Variants in CFAP61 observed in about 807,000 individuals in gnomAD.
CFAP61 encodes the protein cilia and flagella associated protein 61.
CFAP61 carries 107 observed loss-of-function variants against 135.6 expected under a neutral mutation model. The ratio of observed to expected loss-of-function variants is 0.79; its 90% CI spans 0.67 to 0.93. The LOEUF is 0.93. CFAP61 is among the 40% of genes least tolerant of loss of function. The pLI is 0.00. For synonymous variants in CFAP61, 575 were observed against 578.5 expected (o/e 0.99, Z 0.09); for missense variants, 1,507 against 1,556.2 (o/e 0.97, Z 0.53).
At chr20:20,355,775 G>T (rs1356562011) in intron 26 of CFAP61, among the ~76,000 whole-genome samples, 1 of 134,718 alleles carries the variant, frequency 7.4e-6, no homozygotes, top group African/African-American at 3.0e-5. Flanking sequence ...GTCACACTGT[G>T]AGGGGAGGTG....
At chr20:20,228,507 G>A (rs1363289698) in intron 18 of CFAP61, 131 bp downstream of exon 18, 1 of 690,368 alleles carries the variant, frequency 1.4e-6, no homozygotes, top group Non-Finnish European at 2.4e-6. Context: ...CTATGTGGAT[G>A]GATGAATCAG....
intron 26 of CFAP61, 44 bp from the exon 27 acceptor site, chr20:20,360,166 G>C (rs761773475): frequency 2.3e-5 from 32 of 1,419,302 alleles, no homozygotes; most frequent in Non-Finnish European, 8.0e-6. Flanking sequence ...AACTGTGCAG[G>C]GTCCAATTAA....
rs771466480 is a variant in CFAP61, at chr20:20,196,620, C to T, written c.1641C>T (p.Phe547=). 1.9e-6 allele frequency: 3 copies of T among 1,614,184 alleles called. No homozygotes were observed. Among genetic ancestry groups the T allele is most frequent in the Non-Finnish European group, 2.5e-6 (3 of 1,180,034 alleles). Residue 547 remains phenylalanine, a synonymous_variant, in exon 16 of 27, where the codon TTC becomes TTT. Coordinates refer to ENST00000245957, the MANE Select transcript of CFAP61 (RefSeq NM_015585.4). Reference sequence around the variant, plus strand: ...ACAACATTGAAGATTTCATCTACTTCAGTCACCACCAGCGCGAAGAACACG... The same window carrying T: ...ACAACATTGAAGATTTCATCTACTTTAGTCACCACCAGCGCGAAGAACACG... ...SHYNIEDFIY[F]SHHQREEHGH...
chr20:20,252,890 A>G (rs2051069258), intron 20 of CFAP61, among the ~76,000 whole-genome samples: 1 of 152,202 alleles, frequency 6.6e-6, no homozygotes, highest in South Asian at 2.1e-4. Flanking sequence ...AAACACATCC[A>G]TGCCTAGGCT....
intron 1 of CFAP61, 27 bp downstream of exon 1, chr20:20,052,618 C>A: frequency 6.2e-7 from 1 of 1,613,684 alleles, no homozygotes; most frequent in South Asian, 1.1e-5. Flanking sequence ...TGACTAGCAG[C>A]GACGCAAGGA....
intron 25 of CFAP61, among the ~76,000 whole-genome samples, chr20:20,318,951 T>C (rs867990738): frequency 6.0e-4 from 92 of 152,220 alleles, no homozygotes; most frequent in African/African-American, 1.9e-3. Context: ...CCACAGTTCA[T>C]AACATCTGGC....
intron 21 of CFAP61, among the ~76,000 whole-genome samples, chr20:20,270,233 C>T (rs1343164889): frequency 6.6e-6 from 1 of 152,052 alleles, no homozygotes; most frequent in Non-Finnish European, 1.5e-5. Context: ...CTCTTGAGAT[C>T]TAACTTCATG....
chr20:20,325,910 A>G (rs1427086026), intron 25 of CFAP61, among the ~76,000 whole-genome samples: 2 of 152,140 alleles, frequency 1.3e-5, no homozygotes, highest in South Asian at 2.1e-4. Context: ...AGCCATACCC[A>G]TTGTTGTTTT....
At chr20:20,302,971 C>A (rs945472323) in intron 25 of CFAP61, among the ~76,000 whole-genome samples, 1 of 152,148 alleles carries the variant, frequency 6.6e-6, no homozygotes, top group Non-Finnish European at 1.5e-5. Flanking sequence ...AATTTAAAAT[C>A]ATGAGCTTTC....
rs868727942 is a variant in CFAP61, at chr20:20,337,340, A to G, written c.3423-4491A>G. 4.0e-3 allele frequency among the ~76,000 whole-genome samples: 52 copies of G among 13,078 alleles called. 1 individual carries two copies. Among genetic ancestry groups the G allele is most frequent in the African/African-American group, 0.013 (51 of 3,912 alleles). The allele number at this position is 13,078 out of a possible 152,430, so 8.6% of individuals were successfully genotyped here. A position where few individuals can be genotyped will look rare whatever the true frequency, so the allele number is the denominator to read the frequency against. ...TGGATGGATGGATGGATGGATGGAT[A>G]GATGGGTGGGTGGGTGGATGGATGG... is the stretch of plus-strand genomic sequence containing the variant. On this transcript the variant is annotated intron_variant, in intron 25 of 26. Transcript: ENST00000245957.
At chr20:20,224,365 C>G (rs1043419225) in intron 17 of CFAP61, among the ~76,000 whole-genome samples, 8 of 152,152 alleles carry the variant, frequency 5.3e-5, no homozygotes. Flanking sequence ...CCCCGCAACC[C>G]CCAAGCTCAA....
intron 9 of CFAP61, among the ~76,000 whole-genome samples, chr20:20,156,625 G>GA (rs940385626): frequency 1.9e-4 from 28 of 150,610 alleles, no homozygotes; most frequent in Non-Finnish European, 3.0e-4. Context: ...GACTACCTAT[G>GA]AAAAAAAAAT....
intron 17 of CFAP61, among the ~76,000 whole-genome samples, chr20:20,208,102 GA>G (rs1208443454): frequency 6.6e-6 from 1 of 152,182 alleles, no homozygotes; most frequent in Non-Finnish European, 1.5e-5. Context: ...AGATGTTTCA[GA>G]GTCATCGTCT....
At chr20:20,076,364 C>T (rs748862842) in intron 6 of CFAP61, among the ~76,000 whole-genome samples, 2 of 152,180 alleles carry the variant, frequency 1.3e-5, no homozygotes, top group African/African-American at 4.8e-5. Context: ...GGGTGGTTGA[C>T]AGCCCCAGCT....
intron 22 of CFAP61, among the ~76,000 whole-genome samples, chr20:20,286,797 A>G (rs1293249483): frequency 6.6e-6 from 1 of 152,244 alleles, no homozygotes; most frequent in Non-Finnish European, 1.5e-5. Context: ...GCCTACACCA[A>G]AAGTGTATAA....
chr20:20,299,230 A>G (rs2055877234), intron 25 of CFAP61, among the ~76,000 whole-genome samples: 1 of 152,222 alleles, frequency 6.6e-6, no homozygotes, highest in Non-Finnish European at 1.5e-5. Context: ...AGTACTGGAA[A>G]TCTATGGGCC....
chr20:20,168,999 A>G (rs1011668514), intron 12 of CFAP61, among the ~76,000 whole-genome samples: 1 of 152,242 alleles, frequency 6.6e-6, no homozygotes, highest in African/African-American at 2.4e-5. Context: ...TGACTTGGTG[A>G]CACAAGTGAA....
chr20:20,165,178 TC>T (rs1243763183), intron 11 of CFAP61, among the ~76,000 whole-genome samples: 3 of 152,104 alleles, frequency 2.0e-5, no homozygotes, highest in African/African-American at 7.2e-5. Context: ...CATTCTCAGG[TC>T]TCAGGTCTGC....
intron 21 of CFAP61, among the ~76,000 whole-genome samples, chr20:20,263,706 A>G (rs2052458257): frequency 6.6e-6 from 1 of 152,188 alleles, no homozygotes; most frequent in Non-Finnish European, 1.5e-5. Context: ...CTATTGCTTG[A>G]ATTTCATTGA....
Sources: allele counts gnomAD v4.1 joint callset (sites outside exome capture counted in the v4.1 genomes callset), GRCh38; gene constraint gnomAD v4.1.1; transcripts MANE v1.5; gene names NCBI Gene and HGNC (gene_info 2026-07-23, HGNC 2026-07-21).